Variants in CTNNA2 observed in about 807,000 individuals in gnomAD.
The protein encoded by CTNNA2 is catenin alpha-2.
CTNNA2 carries 42 observed loss-of-function variants against 101.0 expected under a neutral mutation model. That is an observed-to-expected ratio of 0.42 (90% CI 0.32 to 0.54). The LOEUF is 0.54. Among genes scored for constraint, CTNNA2 ranks in the 20% least tolerant of loss-of-function variants. CTNNA2 has a pLI of 0.14. For synonymous variants in CTNNA2, 450 were observed against 456.4 expected, an observed-to-expected ratio of 0.99 and a Z score of 0.18; for missense variants, 871 against 1,223.1, an observed-to-expected ratio of 0.71 and a Z score of 4.29.
At chr2:80,507,689 A>G (rs186840832) in intron 9 of CTNNA2, among the ~76,000 whole-genome samples, 89 of 152,298 alleles carry the variant, frequency 5.8e-4, no homozygotes, top group Non-Finnish European at 8.8e-5. Context: ...CTAAGGAATA[A>G]GACTCGAATT....
chr2:79,737,122 C>A (rs1389706244), intron 2 of CTNNA2, among the ~76,000 whole-genome samples: 2 of 152,058 alleles, frequency 1.3e-5, no homozygotes, highest in Non-Finnish European at 1.5e-5. Context: ...CAGAGGCAGG[C>A]GGATCACCTG....
intron 2 of CTNNA2, among the ~76,000 whole-genome samples, chr2:79,224,166 T>G (rs2104226915): frequency 6.6e-6 from 1 of 152,350 alleles, no homozygotes; most frequent in South Asian, 2.1e-4. Flanking sequence ...TGTATTTGTG[T>G]GTGTATATCT....
chr2:80,362,738 G>A (rs984590207), intron 7 of CTNNA2, among the ~76,000 whole-genome samples: 1 of 152,038 alleles, frequency 6.6e-6, no homozygotes, highest in Admixed American at 6.6e-5. Flanking sequence ...CTCTCTGCAC[G>A]TCTTACCCAT....
chr2:79,791,312 G>A (rs1675252033), intron 3 of CTNNA2, among the ~76,000 whole-genome samples: 1 of 152,036 alleles, frequency 6.6e-6, no homozygotes, highest in Admixed American at 6.5e-5. Context: ...GATGAATCCA[G>A]TTTATTTTTC....
At position 79,528,860 on chromosome 2, in the gene CTNNA2, A is replaced by C. The variant is rs139481682; in HGVS notation, c.-6+15653A>C. 4.1e-3 allele frequency among the ~76,000 whole-genome samples: 618 copies of C among 152,304 alleles called. 5 individuals carry two copies. The highest frequency in any genetic ancestry group is 0.014 in the Middle Eastern group (4 of 294). On this transcript the variant is annotated intron_variant, in intron 1 of 18. Transcript: ENST00000402739. ...TTAGGTAAGGTAGTCTATTTACGATACCAAGATAAGTAAGACATGGTTTCT... is the reference window on the plus strand; with the variant it reads ...TTAGGTAAGGTAGTCTATTTACGATCCCAAGATAAGTAAGACATGGTTTCT...
intron 1 of CTNNA2, among the ~76,000 whole-genome samples, chr2:79,612,172 C>T (rs1678320561): frequency 6.6e-6 from 1 of 152,094 alleles, no homozygotes; most frequent in Non-Finnish European, 1.5e-5. Context: ...ACAAATGAAT[C>T]CTGAGTGCAA....
intron 3 of CTNNA2, among the ~76,000 whole-genome samples, chr2:79,823,361 A>C (rs1234621085): frequency 6.6e-6 from 1 of 152,192 alleles, no homozygotes; most frequent in East Asian, 1.9e-4. Flanking sequence ...TGTTTAAGAG[A>C]CAGAACCATA....
At chr2:79,429,199 C>A (rs1164337677) in intron 4 of CTNNA2, among the ~76,000 whole-genome samples, 3 of 151,980 alleles carry the variant, frequency 2.0e-5, no homozygotes, top group Non-Finnish European at 4.4e-5. Flanking sequence ...AACAAAGTAA[C>A]AATATGGGAT....
chr2:79,948,025 C>T (rs1312120190), intron 7 of CTNNA2, among the ~76,000 whole-genome samples: 2 of 152,172 alleles, frequency 1.3e-5, no homozygotes, highest in African/African-American at 4.8e-5. Context: ...CTGGCTAGGT[C>T]ATGTGGTAAT....
At chr2:80,024,277 A>T (rs1316392961) in intron 7 of CTNNA2, among the ~76,000 whole-genome samples, 1 of 152,116 alleles carries the variant, frequency 6.6e-6, no homozygotes, top group Non-Finnish European at 1.5e-5. Context: ...ACACATAAAT[A>T]AGACTTTTCA....
At chr2:80,347,029 G>A (rs2149289647) in intron 7 of CTNNA2, among the ~76,000 whole-genome samples, 1 of 152,326 alleles carries the variant, frequency 6.6e-6, no homozygotes, top group East Asian at 1.9e-4. Context: ...ATCCTGTCTT[G>A]ATTAAAGGCT....
At chr2:80,105,412 C>CT (rs1441448170) in intron 7 of CTNNA2, among the ~76,000 whole-genome samples, 2 of 152,178 alleles carry the variant, frequency 1.3e-5, no homozygotes, top group Non-Finnish European at 2.9e-5. Flanking sequence ...GTACATAAAG[C>CT]TTTACCTATC....
chr2:80,379,491 GT>G (rs970085722), intron 7 of CTNNA2, among the ~76,000 whole-genome samples: 5 of 152,020 alleles, frequency 3.3e-5, no homozygotes, highest in African/African-American at 1.2e-4. Context: ...AATCTCTTGG[GT>G]TTTTTTAGAT....
intron 4 of CTNNA2, among the ~76,000 whole-genome samples, chr2:79,486,679 A>C (rs989357632): frequency 2.0e-5 from 3 of 152,198 alleles, no homozygotes; most frequent in African/African-American, 4.8e-5. Flanking sequence ...GAACTAGTTT[A>C]CAGTCCCACC....
intron 7 of CTNNA2, among the ~76,000 whole-genome samples, chr2:80,071,933 A>T (rs1446617316): frequency 6.6e-6 from 1 of 152,204 alleles, no homozygotes; most frequent in Non-Finnish European, 1.5e-5. Context: ...TTATTGGAAG[A>T]GAACAAGAGG....
At chr2:79,295,238 C>T (rs762358032) in intron 2 of CTNNA2, among the ~76,000 whole-genome samples, 7 of 152,176 alleles carry the variant, frequency 4.6e-5, no homozygotes, top group Non-Finnish European at 1.0e-4. Flanking sequence ...CGGCAGATAA[C>T]CTCAACACTT....
chr2:80,198,186 A>G (rs1248037081), intron 7 of CTNNA2, among the ~76,000 whole-genome samples: 2 of 152,280 alleles, frequency 1.3e-5, no homozygotes, highest in African/African-American at 2.4e-5. Context: ...TAGAGTCACC[A>G]TTGTTAAAAT....
chr2:80,429,827 A>G (rs1212518713), intron 9 of CTNNA2, among the ~76,000 whole-genome samples: 1 of 152,208 alleles, frequency 6.6e-6, no homozygotes, highest in African/African-American at 2.4e-5. Context: ...TCAAATTACT[A>G]AATGCCGCAG....
At chr2:79,220,117 C>G (rs1674322334) in intron 2 of CTNNA2, among the ~76,000 whole-genome samples, 2 of 152,032 alleles carry the variant, frequency 1.3e-5, no homozygotes, top group African/African-American at 2.4e-5. Context: ...ATCAGCGCTT[C>G]CCCCAAATCT....
Sources: gnomAD v4.1 joint callset for allele counts (sites outside exome capture counted in the v4.1 genomes callset) on GRCh38, gnomAD v4.1.1 for gene constraint, MANE v1.5 for transcripts, NCBI Gene and HGNC (gene_info 2026-07-23, HGNC 2026-07-21) for gene names.